STX11: variants seen among roughly 807,000 people sequenced by gnomAD.
The protein encoded by STX11 is syntaxin-11.
Under a neutral mutation model 19.9 loss-of-function variants are expected in STX11, and 21 were observed. The observed-to-expected ratio is 1.06, with a 90% confidence interval of 0.75 to 1.52. The LOEUF is 1.52. Among genes scored for constraint, STX11 ranks in the 40% most tolerant of loss-of-function variants. The pLI is 0.00. For missense variants in STX11, 438 were observed against 405.9 expected (o/e 1.08, Z -0.68); for synonymous variants, 193 against 174.4 (o/e 1.11, Z -0.84).
At chr6:144,144,992 C>A in the STX11 span, among the ~76,000 whole-genome samples, 4 of 152,108 alleles carry the variant, frequency 2.6e-5, no homozygotes, top group South Asian at 4.1e-4. Context: ...AATGATAATT[C>A]TACACAAAAT....
Position 144,160,069 on chromosome 6 carries a change from C to T in STX11, c.-6+9366C>T, listed in dbSNP as rs1801294887. Reference sequence around the variant, plus strand: ...CCAGGCTGGAATGAAATGGCACAATCTCTGCTCACAGTAACCTCCGCCTCC... The same window carrying T: ...CCAGGCTGGAATGAAATGGCACAATTTCTGCTCACAGTAACCTCCGCCTCC... On this transcript the variant is annotated intron_variant, in intron 1 of 1. Transcript: ENST00000367568. This position sits in a 1 kb window ranked among gnomAD's most constrained non-coding sequence, Gnocchi z 4.3. Among the ~76,000 whole-genome samples, 1 of 152,200 alleles carries T rather than the reference C, an allele frequency of 6.6e-6. No individual in the cohort carries two copies. The highest frequency in any genetic ancestry group is 2.4e-5 in the African/African-American group (1 of 41,444).
the STX11 span, among the ~76,000 whole-genome samples, chr6:144,144,002 C>T: frequency 0.14 from 20,625 of 152,198 alleles, 2,573 homozygotes; most frequent in African/African-American, 0.32. Flanking sequence ...GAGAGCTAGA[C>T]AGATATTCCT....
intron 1 of STX11, among the ~76,000 whole-genome samples, chr6:144,156,972 C>T (rs1280508660): frequency 6.6e-6 from 1 of 152,152 alleles, no homozygotes; most frequent in Non-Finnish European, 1.5e-5. Context: ...AGGTGGGAAA[C>T]ACCTGGAGAG....
chr6:144,168,661 C>T (rs756634869), intron 1 of STX11, among the ~76,000 whole-genome samples: 17 of 152,206 alleles, frequency 1.1e-4, no homozygotes, highest in Non-Finnish European at 2.4e-4. Context: ...ACTGAACCCA[C>T]CAGAGCTTGT....
rs1293994670 is a variant in STX11 at position 144,183,397 on chromosome 6, G to A, written c.-5-3226G>A. Among the ~76,000 whole-genome samples, 1 of 152,210 alleles carries A rather than the reference G, an allele frequency of 6.6e-6. No individual in the cohort carries two copies. The highest frequency in any genetic ancestry group is 1.9e-4 in the East Asian group (1 of 5,198). ...ATTTCTGCAAAAACAAGGTGGTGAT[G>A]AAAATATTTTGAGCAATGAGTTTCA... is the stretch of plus-strand genomic sequence containing the variant. On this transcript the variant is annotated intron_variant, in intron 1 of 1. Coordinates refer to ENST00000367568, the MANE Select transcript of STX11 (RefSeq NM_003764.4). This position sits in a 1 kb window ranked among gnomAD's most constrained non-coding sequence, Gnocchi z 4.6.
At position 144,187,534 on chromosome 6, in the gene STX11, C is replaced by G; in HGVS notation, c.*43C>G. ...CCACCGCCCATCCCAGACCATGGAG[C>G]GCGCTGGGAAGGACGCACCAAAGCC... On this transcript the variant is annotated 3_prime_UTR_variant, in exon 2 of 2. Coordinates refer to ENST00000367568, the MANE Select transcript of STX11 (RefSeq NM_003764.4). The surrounding 1 kb of genome is among the most constrained non-coding windows in gnomAD (Gnocchi z 5.6). 6.2e-7 allele frequency: 1 copy of G among 1,610,932 alleles called. No homozygotes were observed. Among genetic ancestry groups the G allele is most frequent in the South Asian group, 1.1e-5 (1 of 90,908 alleles).
At chr6:144,140,852 G>A in the STX11 span, 1 of 925,804 alleles carries the variant, frequency 1.1e-6, no homozygotes, top group Non-Finnish European at 1.3e-6. Flanking sequence ...CTAAATAGAT[G>A]ACACAAATTC....
Position 144,155,780 on chromosome 6 carries a change from C to T in STX11, c.-6+5077C>T, listed in dbSNP as rs1384733868. On this transcript the variant is annotated intron_variant, in intron 1 of 1. Coordinates refer to ENST00000367568, the MANE Select transcript of STX11 (RefSeq NM_003764.4). The surrounding 1 kb of genome is among the most constrained non-coding windows in gnomAD (Gnocchi z 4.5). ...CTGTCAGAGTAAGTCATTTCTTGGC[C>T]ACTCCTTCTGAGTTTATGGATACCA... Among the ~76,000 whole-genome samples, 2 of 152,066 alleles carry T rather than the reference C, an allele frequency of 1.3e-5. No homozygotes were observed. Among genetic ancestry groups the T allele is most frequent in the African/African-American group, 2.4e-5 (1 of 41,394 alleles).
chr6:144,154,151 G>T lies in STX11; in HGVS notation c.-6+3448G>T, dbSNP rs1801075200. ...GCCAGAAATGGATCCCAAGCACTTGGTTCCAGAGCTTGCATTCTGAAGCAC... is the reference window on the plus strand; with the variant it reads ...GCCAGAAATGGATCCCAAGCACTTGTTTCCAGAGCTTGCATTCTGAAGCAC... On this transcript the variant is annotated intron_variant, in intron 1 of 1. Transcript: ENST00000367568. This position sits in a 1 kb window ranked among gnomAD's most constrained non-coding sequence, Gnocchi z 4.7. Among the ~76,000 whole-genome samples, 1 of 152,182 alleles carries T rather than the reference G, an allele frequency of 6.6e-6. No individual in the cohort carries two copies. The highest frequency in any genetic ancestry group is 2.1e-4 in the South Asian group (1 of 4,834).
chr6:144,158,883 TC>T (rs1206473586), intron 1 of STX11, among the ~76,000 whole-genome samples: 2 of 152,228 alleles, frequency 1.3e-5, no homozygotes, highest in African/African-American at 4.8e-5. Flanking sequence ...TTTCCAGGCT[TC>T]ATGCCTTTGC....
rs538354380 is a variant in STX11, at chr6:144,187,409, C to G, written c.782C>G (p.Ala261Gly). 2.5e-6 allele frequency: 4 copies of G among 1,611,532 alleles called. No individual in the cohort carries two copies. In the African/African-American group the frequency reaches 5.3e-5, roughly 21 times the overall value. The change falls in exon 2 of 2, where the codon GCG becomes GGG. Residue 261 changes from alanine to glycine, a missense_variant. Coordinates refer to ENST00000367568, the MANE Select transcript of STX11 (RefSeq NM_003764.4). This position sits in a 1 kb window ranked among gnomAD's most constrained non-coding sequence, Gnocchi z 5.6. Reference protein sequence around the residue: ...KTVDYTGQAKAQVRKAVQYEE... With the variant: ...KTVDYTGQAKGQVRKAVQYEE... ...GTCGACTACACCGGCCAGGCCAAGG[C>G]GCAGGTGCGGAAGGCCGTGCAGTAC...
Position 144,152,843 on chromosome 6 carries a change from A to ATGGC in STX11, c.-6+2140_-6+2141insTGGC, listed in dbSNP as rs1186543180. On this transcript the variant is annotated intron_variant, in intron 1 of 1. Coordinates refer to ENST00000367568, the MANE Select transcript of STX11 (RefSeq NM_003764.4). This position sits in a 1 kb window ranked among gnomAD's most constrained non-coding sequence, Gnocchi z 4.9. ...GGGACAAGGTTCGGCCCTGTTGGCC[A>ATGGC]GGCTGGTCTCGAACTGCTGACCTCA... Among the ~76,000 whole-genome samples, 1 of 152,270 alleles carries ATGGC rather than the reference A, an allele frequency of 6.6e-6. No homozygotes were observed. The highest frequency in any genetic ancestry group is 1.5e-5 in the Non-Finnish European group (1 of 68,044).
intron 1 of STX11, among the ~76,000 whole-genome samples, chr6:144,150,961 GA>G (rs1310889738): frequency 6.6e-6 from 1 of 152,200 alleles, no homozygotes; most frequent in African/African-American, 2.4e-5. Context: ...AGGGACTTAG[GA>G]TTTAGTGCTT....
chr6:144,153,250 A>G lies in STX11; in HGVS notation c.-6+2547A>G, dbSNP rs1267473970. Among the ~76,000 whole-genome samples, 1 of 152,126 alleles carries G rather than the reference A, an allele frequency of 6.6e-6. No homozygotes were observed. Among genetic ancestry groups the G allele is most frequent in the African/African-American group, 2.4e-5 (1 of 41,418 alleles). Reference sequence around the variant, plus strand: ...GAGCCCTAAAGTTACTTTTTCTATGAGAAAGAAAGGGTCGAGTTTGTCATT... The same window carrying G: ...GAGCCCTAAAGTTACTTTTTCTATGGGAAAGAAAGGGTCGAGTTTGTCATT... On this transcript the variant is annotated intron_variant, in intron 1 of 1. Coordinates refer to ENST00000367568, the MANE Select transcript of STX11 (RefSeq NM_003764.4). The surrounding 1 kb of genome is among the most constrained non-coding windows in gnomAD (Gnocchi z 5.0).
the STX11 span, among the ~76,000 whole-genome samples, chr6:144,140,209 CATATATATATAT>C: frequency 6.1e-4 from 27 of 44,456 alleles, 1 homozygote; most frequent in East Asian, 1.8e-3. Flanking sequence ...GGTCAATTCA[CATATATATATAT>C]ATATATATAT....
At chr6:144,143,895 T>C in the STX11 span, among the ~76,000 whole-genome samples, 1 of 152,232 alleles carries the variant, frequency 6.6e-6, no homozygotes, top group Non-Finnish European at 1.5e-5. Flanking sequence ...CTTATAGGCA[T>C]TAAATTTTAA....
chr6:144,171,405 C>T (rs953559447), intron 1 of STX11, among the ~76,000 whole-genome samples: 2 of 152,200 alleles, frequency 1.3e-5, no homozygotes, highest in Admixed American at 1.3e-4. Flanking sequence ...ATGAAGGAAA[C>T]TTTGGGATGT....
intron 1 of STX11, among the ~76,000 whole-genome samples, chr6:144,157,609 G>A (rs1051980423): frequency 1.3e-5 from 2 of 152,264 alleles, no homozygotes; most frequent in Middle Eastern, 3.4e-3. Context: ...TGACCAGAGA[G>A]CAAGAAGACA....
At position 144,172,196 on chromosome 6, in the gene STX11, A is replaced by T. The variant is rs1196768655; in HGVS notation, c.-5-14427A>T. Among the ~76,000 whole-genome samples, 1 of 152,202 alleles carries T rather than the reference A, an allele frequency of 6.6e-6. No individual in the cohort carries two copies. Among genetic ancestry groups the T allele is most frequent in the African/African-American group, 2.4e-5 (1 of 41,438 alleles). On this transcript the variant is annotated intron_variant, in intron 1 of 1. Transcript: ENST00000367568. The surrounding 1 kb of genome is among the most constrained non-coding windows in gnomAD (Gnocchi z 4.2). Reference sequence around the variant, plus strand: ...CCCAAATAACAATTTTCTATTTCTCATGGGTGCAAGGATTAAATGAGATAA... The same window carrying T: ...CCCAAATAACAATTTTCTATTTCTCTTGGGTGCAAGGATTAAATGAGATAA...
Sources: allele counts gnomAD v4.1 joint callset (sites outside exome capture counted in the v4.1 genomes callset), GRCh38; gene constraint gnomAD v4.1.1; non-coding constraint Gnocchi (gnomAD v3.1); transcripts MANE v1.5; gene names NCBI Gene and HGNC (gene_info 2026-07-23, HGNC 2026-07-21).